Variants in CBFA2T3 observed in about 807,000 individuals in gnomAD.
The protein encoded by CBFA2T3 is transcriptional corepressor CBFA2T3.
CBFA2T3 carries 31 observed loss-of-function variants against 58.6 expected under a neutral mutation model. The ratio of observed to expected loss-of-function variants is 0.53; its 90% CI spans 0.40 to 0.71. The LOEUF is 0.71. Ranked by LOEUF, CBFA2T3 falls within the 30% of genes least tolerant of loss-of-function variation. CBFA2T3 has a pLI of 0.00. For missense variants in CBFA2T3, 1,076 were observed against 963.1 expected (o/e 1.12, Z -1.55); for synonymous variants, 531 against 421.9 (o/e 1.26, Z -3.17).
At chr16:88,917,071 C>CAAAAAAAAAAAAAAAGG (rs781169197) in intron 1 of CBFA2T3, among the ~76,000 whole-genome samples, 1 of 81,152 alleles carries the variant, frequency 1.2e-5, no homozygotes, top group African/African-American at 4.2e-5. Context: ...GACTCTGTCT[C>CAAAAAAAAAAAAAAAGG]AAAAAAAAAA....
chr16:88,879,384 C>T lies in CBFA2T3; in HGVS notation c.1548G>A (p.Ala516=), dbSNP rs141897085. Residue 516 remains alanine (A), a synonymous_variant, in exon 11 of 12, where the codon GCG becomes GCA. Transcript: ENST00000268679. ...QKAVSDAERK[A]HELITTERAK... ...CACGCTCCGTGGTGATGAGCTCGTG[C>T]GCTTTGCGCTCCGCGTCCGACACGG... is the stretch of plus-strand genomic sequence containing the variant. 485 of 1,613,000 alleles carry T rather than the reference C, an allele frequency of 3.0e-4. 2 individuals carry two copies. In the East Asian group the frequency reaches 9.6e-3, roughly 32 times the overall value.
chr16:88,973,248 G>C (rs907423514), intron 1 of CBFA2T3, among the ~76,000 whole-genome samples: 8 of 152,244 alleles, frequency 5.3e-5, no homozygotes, highest in African/African-American at 1.9e-4. Context: ...GGCCTAGGGT[G>C]GGCTGGGCCT....
chr16:88,928,698 T>TCCTG (rs1167728708), intron 1 of CBFA2T3, among the ~76,000 whole-genome samples: 1 of 152,130 alleles, frequency 6.6e-6, no homozygotes, highest in African/African-American at 2.4e-5. Context: ...CAGGCAAAAG[T>TCCTG]CCTGCCCCAC....
rs1487530858 is a variant in CBFA2T3 at position 88,959,710 on chromosome 16, C to G, written c.151+16947G>C. 3.3e-5 allele frequency among the ~76,000 whole-genome samples: 5 copies of G among 152,256 alleles called. No individual in the cohort carries two copies. In the South Asian group the frequency reaches 1.0e-3, roughly 32 times the overall value. On this transcript the variant is annotated intron_variant, in intron 1 of 11. Coordinates refer to ENST00000268679, the MANE Select transcript of CBFA2T3 (RefSeq NM_005187.6). ...AGAGAAAACGGGAGCAGGGCAGAGACGGTATCTGGGATTACAGGAGGAAAG... is the reference window on the plus strand; with the variant it reads ...AGAGAAAACGGGAGCAGGGCAGAGAGGGTATCTGGGATTACAGGAGGAAAG...
chr16:88,892,226 T>G lies in CBFA2T3; in HGVS notation c.621+18A>C. 6.2e-7 allele frequency: 1 copy of G among 1,602,004 alleles called. No individual in the cohort carries two copies. The highest frequency in any genetic ancestry group is 8.5e-7 in the Non-Finnish European group (1 of 1,175,686). On this transcript the variant is annotated intron_variant, in intron 4 of 11. Transcript: ENST00000268679. Reference sequence around the variant, plus strand: ...AATATGCATGTCCCAAGGCCCCGGCTGTCCCTGCCCAACTCACCACCAGGC... The same window carrying G: ...AATATGCATGTCCCAAGGCCCCGGCGGTCCCTGCCCAACTCACCACCAGGC...
chr16:88,942,793 GTA>G (rs1353188218), intron 1 of CBFA2T3, among the ~76,000 whole-genome samples: 1 of 152,174 alleles, frequency 6.6e-6, no homozygotes, highest in African/African-American at 2.4e-5. Context: ...CAGACTGTGC[GTA>G]ACATGGTGCT....
intron 1 of CBFA2T3, among the ~76,000 whole-genome samples, chr16:88,944,973 A>AG (rs1316312180): frequency 1.3e-5 from 2 of 152,254 alleles, no homozygotes; most frequent in African/African-American, 4.8e-5. Flanking sequence ...AGCGTGGTCC[A>AG]GCGGGAGGCC....
At chr16:88,962,170 A>C (rs965885386) in intron 1 of CBFA2T3, among the ~76,000 whole-genome samples, 1 of 152,180 alleles carries the variant, frequency 6.6e-6, no homozygotes, top group African/African-American at 2.4e-5. Flanking sequence ...ACCGACACTC[A>C]GCGCTGGGCA....
In CBFA2T3 at chr16:88,877,099, G is replaced by A. The variant is rs566864090; in HGVS notation, c.1839C>T (p.Ala613=). Residue 613 remains alanine (A), a synonymous_variant, in exon 12 of 12, where the codon GCC becomes GCT. Coordinates refer to ENST00000268679, the MANE Select transcript of CBFA2T3 (RefSeq NM_005187.6). ...GCAGGGAGGGGCCCAGGCTGTGGGC[G>A]GCTTCGGGCGGTCCAGGCACCGGGT... The part of the protein sequence containing the change: ...VADPVPGPPE[A]AHSLGPSLPV... 68 of 1,542,922 alleles carry A rather than the reference G, an allele frequency of 4.4e-5. No homozygotes were observed. Among genetic ancestry groups the A allele is most frequent in the African/African-American group, 1.2e-4 (9 of 72,882 alleles).
chr16:88,942,033 G>A (rs1235774185), intron 1 of CBFA2T3, among the ~76,000 whole-genome samples: 1 of 152,030 alleles, frequency 6.6e-6, no homozygotes, highest in Non-Finnish European at 1.5e-5. Flanking sequence ...CGGGTCCGAT[G>A]CGAAGCCCTC....
At chr16:88,900,797 G>A (rs1158300140) in intron 2 of CBFA2T3, among the ~76,000 whole-genome samples, 1 of 152,226 alleles carries the variant, frequency 6.6e-6, no homozygotes, top group East Asian at 1.9e-4. Flanking sequence ...AAGGCTCTGC[G>A]GGTGACTGTG....
chr16:88,889,953 C>T (rs1969558997), intron 5 of CBFA2T3, among the ~76,000 whole-genome samples: 1 of 149,046 alleles, frequency 6.7e-6, no homozygotes, highest in African/African-American at 2.5e-5. Flanking sequence ...CCGTGCGATT[C>T]CTCCTCCTCC....
chr16:88,974,947 C>A (rs977987656), intron 1 of CBFA2T3, among the ~76,000 whole-genome samples: 1 of 152,196 alleles, frequency 6.6e-6, no homozygotes, highest in Non-Finnish European at 1.5e-5. Flanking sequence ...AAGGCTGTCC[C>A]ATGGGTACCC....
At chr16:88,899,075 C>A (rs1245002191) in intron 2 of CBFA2T3, among the ~76,000 whole-genome samples, 1 of 129,734 alleles carries the variant, frequency 7.7e-6, no homozygotes, top group African/African-American at 2.8e-5. Context: ...CCCCACCCCC[C>A]ACCCCACAGC....
rs368020698 is a variant in CBFA2T3, at chr16:88,931,532, C to T, written c.152-29876G>A. Reference sequence around the variant, plus strand: ...GCCAGAGGTGGAGAAGGGCCGTGGGCCGGCCCCGTGGACGAGCCAGAGGTG... The same window carrying T: ...GCCAGAGGTGGAGAAGGGCCGTGGGTCGGCCCCGTGGACGAGCCAGAGGTG... On this transcript the variant is annotated intron_variant, in intron 1 of 11. Coordinates refer to ENST00000268679, the MANE Select transcript of CBFA2T3 (RefSeq NM_005187.6). 9.2e-5 allele frequency among the ~76,000 whole-genome samples: 14 copies of T among 152,148 alleles called. 1 individual carries two copies. The East Asian group carries it at 1.2e-3, about 13-fold the overall frequency.
rs1203964841 is a variant in CBFA2T3, at chr16:88,877,265, T to G, written c.1673A>C (p.Asn558Thr). The change falls in exon 12 of 12, where the codon AAC becomes ACC. Residue 558 changes from asparagine to threonine, a missense_variant. Coordinates refer to ENST00000268679, the MANE Select transcript of CBFA2T3 (RefSeq NM_005187.6). ...CGTCTCACTGGCTTTCCGCCCGCAGTTCCAGCAGCTCTGGGTGGGGGCAGA... is the reference window on the plus strand; with the variant it reads ...CGTCTCACTGGCTTTCCGCCCGCAGGTCCAGCAGCTCTGGGTGGGGGCAGA... The part of the protein sequence containing the change: ...QQEDSSESCW[N>T]CGRKASETCS... The G allele has an allele frequency of 3.2e-6, 5 of 1,548,590 alleles. No individual in the cohort carries two copies. Among genetic ancestry groups the G allele is most frequent in the Non-Finnish European group, 3.5e-6 (4 of 1,146,620 alleles).
intron 1 of CBFA2T3, among the ~76,000 whole-genome samples, chr16:88,956,146 T>C (rs964159348): frequency 2.0e-5 from 3 of 152,260 alleles, no homozygotes; most frequent in African/African-American, 7.2e-5. Flanking sequence ...ATGTCAGTTG[T>C]CTGCCAGGAG....
rs905660178 is a variant in CBFA2T3, at chr16:88,934,803, G to A, written c.152-33147C>T. ...CGCCCAGGCTGGAGTGCAGTGGCGCGATCTCGGCTCACTGCAAGCTCTGCC... is the reference window on the plus strand; with the variant it reads ...CGCCCAGGCTGGAGTGCAGTGGCGCAATCTCGGCTCACTGCAAGCTCTGCC... On this transcript the variant is annotated intron_variant, in intron 1 of 11. Coordinates refer to ENST00000268679, the MANE Select transcript of CBFA2T3 (RefSeq NM_005187.6). Among the ~76,000 whole-genome samples the A allele has an allele frequency of 2.0e-5, 3 of 152,122 alleles. No individual in the cohort carries two copies. In the South Asian group the frequency reaches 6.2e-4, roughly 31 times the overall value.
intron 11 of CBFA2T3, among the ~76,000 whole-genome samples, chr16:88,878,483 A>G (rs1968925110): frequency 6.6e-6 from 1 of 152,212 alleles, no homozygotes; most frequent in South Asian, 2.1e-4. Context: ...TGGACAAGGC[A>G]GAAAAGGGTC....
Sources: gnomAD v4.1 joint callset for allele counts (sites outside exome capture counted in the v4.1 genomes callset) on GRCh38, gnomAD v4.1.1 for gene constraint, MANE v1.5 for transcripts, NCBI Gene and HGNC (gene_info 2026-07-23, HGNC 2026-07-21) for gene names.